TMEM132C: variants seen among roughly 807,000 people sequenced by gnomAD.
TMEM132C encodes transmembrane protein 132C, also known as protein phosphatase 1, regulatory subunit 152.
In TMEM132C, 29 loss-of-function variants were observed where a neutral mutation model predicts 61.4. The observed-to-expected ratio is 0.47, with a 90% CI of 0.35 to 0.64. The LOEUF is 0.64. Among genes scored for constraint, TMEM132C ranks in the 30% least tolerant of loss-of-function variants. The probability of loss-of-function intolerance (pLI) is 0.00; values close to 1 mark genes in which losing one functional copy is unlikely to be tolerated. For synonymous variants in TMEM132C, 656 were observed against 633.1 expected (o/e 1.04, Z -0.54); for missense variants, 1,408 against 1,476.9 (o/e 0.95, Z 0.76).
At chr12:128,423,893 A>G (rs1869082974) in intron 2 of TMEM132C, among the ~76,000 whole-genome samples, 1 of 151,452 alleles carries the variant, frequency 6.6e-6, no homozygotes, top group Non-Finnish European at 1.5e-5. Flanking sequence ...GAAAGGGAAA[A>G]AAATTAGCTG....
At chr12:128,359,502 C>A (rs560724124) in intron 1 of TMEM132C, among the ~76,000 whole-genome samples, 1 of 152,290 alleles carries the variant, frequency 6.6e-6, no homozygotes, top group African/African-American at 2.4e-5. Flanking sequence ...GCGACACAGC[C>A]AAACCATGTC....
intron 3 of TMEM132C, among the ~76,000 whole-genome samples, chr12:128,592,132 C>A (rs1875776415): frequency 6.6e-6 from 1 of 151,742 alleles, no homozygotes; most frequent in Admixed American, 6.6e-5. Context: ...ACTGGAAAAG[C>A]TGAAGGTCCC....
intron 2 of TMEM132C, among the ~76,000 whole-genome samples, chr12:128,515,404 C>G (rs1023411711): frequency 6.6e-6 from 1 of 152,238 alleles, no homozygotes; most frequent in Non-Finnish European, 1.5e-5. Context: ...TGGCCAAATA[C>G]AAGAACTGGA....
chr12:128,705,715 C>A lies in TMEM132C; in HGVS notation c.2747C>A (p.Thr916Asn). 1 of 1,551,460 alleles carries A rather than the reference C, an allele frequency of 6.4e-7. No individual in the cohort carries two copies. The highest frequency in any genetic ancestry group is 1.2e-5 in the South Asian group (1 of 84,062). Residue 916 changes from threonine (T) to asparagine (N), a missense_variant, in exon 9 of 9, where the codon ACT (threonine) becomes AAT (asparagine). Transcript: ENST00000435159. The part of the protein sequence containing the change: ...SGLEENDLVQ[T>N]PRGLSDLEIG... ...CTGGAGGAAAACGACCTGGTGCAGA[C>A]TCCGCGGGGCCTGAGTGATCTGGAG...
intron 2 of TMEM132C, among the ~76,000 whole-genome samples, chr12:128,472,297 C>A (rs982898591): frequency 6.6e-6 from 1 of 152,212 alleles, no homozygotes; most frequent in Admixed American, 6.5e-5. Context: ...TATAAACAAG[C>A]AGTATAATCT....
chr12:128,390,135 C>T (rs752709818), intron 1 of TMEM132C, among the ~76,000 whole-genome samples: 4 of 152,094 alleles, frequency 2.6e-5, no homozygotes, highest in South Asian at 2.1e-4. Flanking sequence ...CCTCCCAAAG[C>T]GCTGGGATTA....
chr12:128,694,092 T>A (rs1954739734), intron 6 of TMEM132C, 58 bp downstream of exon 6: 1 of 1,514,924 alleles, frequency 6.6e-7, no homozygotes, highest in Non-Finnish European at 9.0e-7. Context: ...TTTACTGACC[T>A]TAACACTAAA....
intron 5 of TMEM132C, among the ~76,000 whole-genome samples, chr12:128,685,974 A>T (rs770243058): frequency 1.3e-5 from 2 of 152,152 alleles, no homozygotes; most frequent in African/African-American, 2.4e-5. Context: ...TGCTGTTGTT[A>T]TAAAGTAAGC....
intron 1 of TMEM132C, among the ~76,000 whole-genome samples, chr12:128,348,129 T>G (rs761241526): frequency 7.9e-5 from 12 of 152,232 alleles, no homozygotes; most frequent in Non-Finnish European, 1.5e-4. Flanking sequence ...TGGTCTGTAG[T>G]TTTCTGAGTA....
At position 128,705,276 on chromosome 12, in the gene TMEM132C, C is replaced by T. The variant is rs776145107; in HGVS notation, c.2308C>T (p.Arg770Ter). 10 of 1,551,478 alleles carry T rather than the reference C, an allele frequency of 6.4e-6. No homozygotes were observed. Among genetic ancestry groups the T allele is most frequent in the African/African-American group, 1.4e-5 (1 of 73,046 alleles). Residue 770 changes from arginine to a stop codon, truncating the protein, a stop_gained, in exon 9 of 9, where the codon CGA becomes TGA. Coordinates refer to ENST00000435159, the MANE Select transcript of TMEM132C (RefSeq NM_001136103.3). LOFTEE classifies it low-confidence loss of function (END_TRUNC). ...AEGEGQGPLI[R>*]VDMTIAEACQ... ...AGGGGAAGGCCAGGGCCCACTGATC[C>T]GAGTGGACATGACGATCGCCGAGGC...
chr12:128,429,634 C>G (rs1236219018), intron 2 of TMEM132C, among the ~76,000 whole-genome samples: 1 of 152,126 alleles, frequency 6.6e-6, no homozygotes, highest in African/African-American at 2.4e-5. Context: ...CACCAAGGAG[C>G]AAGGAGCTAA....
intron 1 of TMEM132C, among the ~76,000 whole-genome samples, chr12:128,314,840 C>G (rs1025711173): frequency 6.6e-6 from 1 of 152,126 alleles, no homozygotes; most frequent in Non-Finnish European, 1.5e-5. Flanking sequence ...AATAAATTTC[C>G]ATTGTTTTAA....
At chr12:128,456,691 A>T (rs2136063559) in intron 2 of TMEM132C, among the ~76,000 whole-genome samples, 1 of 152,074 alleles carries the variant, frequency 6.6e-6, no homozygotes, top group Non-Finnish European at 1.5e-5. Flanking sequence ...TACAGGCGTG[A>T]GCCACCACTC....
intron 1 of TMEM132C, among the ~76,000 whole-genome samples, chr12:128,307,920 A>G (rs978118163): frequency 7.2e-5 from 11 of 152,130 alleles, no homozygotes; most frequent in African/African-American, 2.7e-4. Flanking sequence ...CCCCTCCCTG[A>G]CTGTCAGTCC....
chr12:128,693,429 C>T (rs573709792), intron 5 of TMEM132C, among the ~76,000 whole-genome samples: 1 of 152,210 alleles, frequency 6.6e-6, no homozygotes, highest in Non-Finnish European at 1.5e-5. Context: ...CCTCAATCTG[C>T]TTTCTGTTTT....
chr12:128,584,161 G>T (rs1410074680), intron 3 of TMEM132C, among the ~76,000 whole-genome samples: 3 of 152,216 alleles, frequency 2.0e-5, no homozygotes, highest in African/African-American at 7.2e-5. Context: ...CATGGTTTTA[G>T]TTCTCAGTCA....
intron 3 of TMEM132C, among the ~76,000 whole-genome samples, chr12:128,588,425 G>T (rs529031547): frequency 2.6e-5 from 4 of 152,104 alleles, no homozygotes; most frequent in Non-Finnish European, 5.9e-5. Context: ...GCAAGAAGCT[G>T]ACTCAAAAAC....
intron 4 of TMEM132C, among the ~76,000 whole-genome samples, chr12:128,645,908 A>G (rs894267199): frequency 7.3e-5 from 11 of 151,084 alleles, no homozygotes; most frequent in African/African-American, 2.7e-4. Flanking sequence ...GCTGGATGTG[A>G]GTGTGTTTAC....
chr12:128,657,794 C>T (rs896416332), intron 4 of TMEM132C, among the ~76,000 whole-genome samples: 10 of 151,958 alleles, frequency 6.6e-5, no homozygotes, highest in Non-Finnish European at 1.2e-4. Context: ...TCAAAAGCAA[C>T]TTGGTGAATC....
Sources: allele counts gnomAD v4.1 joint callset (sites outside exome capture counted in the v4.1 genomes callset), GRCh38; gene constraint gnomAD v4.1.1; transcripts MANE v1.5; gene names NCBI Gene and HGNC (gene_info 2026-07-23, HGNC 2026-07-21).